IRAK3: variants seen among roughly 807,000 people sequenced by gnomAD.
IRAK3 encodes interleukin-1 receptor-associated kinase 3.
A neutral mutation model predicts 56.6 loss-of-function variants in IRAK3; 57 were observed. The ratio of observed to expected loss-of-function variants is 1.01; its 90% CI spans 0.81 to 1.26. The LOEUF (loss-of-function observed/expected upper bound fraction) is 1.26, where lower values mean the gene tolerates loss of function less well. IRAK3 is among the 50% of genes most tolerant of loss of function. The pLI is 0.00. For missense variants in IRAK3, 703 were observed against 719.0 expected (o/e 0.98, Z 0.25); for synonymous variants, 258 against 255.7 (o/e 1.01, Z -0.09).
intron 8 of IRAK3, among the ~76,000 whole-genome samples, chr12:66,233,389 G>A (rs1194885231): frequency 1.3e-5 from 2 of 152,012 alleles, no homozygotes; most frequent in Admixed American, 1.3e-4. Flanking sequence ...ATAGTGGCGG[G>A]CGCCTGTAGT....
intron 1 of IRAK3, among the ~76,000 whole-genome samples, chr12:66,192,813 T>C (rs1260666335): frequency 4.6e-5 from 7 of 152,140 alleles, no homozygotes; most frequent in Non-Finnish European, 1.0e-4. Flanking sequence ...AACAATTCTA[T>C]CAGGTAGACA....
chr12:66,230,037 T>C (rs1417387953), intron 8 of IRAK3, among the ~76,000 whole-genome samples: 1 of 152,116 alleles, frequency 6.6e-6, no homozygotes. Context: ...GGGTTTTGGC[T>C]CTTGATGGGA....
At chr12:66,227,318 C>T (rs544393363) in intron 7 of IRAK3, among the ~76,000 whole-genome samples, 13 of 152,108 alleles carry the variant, frequency 8.5e-5, no homozygotes, top group African/African-American at 2.7e-4. Context: ...ATTGGCTGGG[C>T]GCAGTGGCTC....
chr12:66,197,272 C>A (rs894738600), intron 1 of IRAK3: 8 of 1,143,544 alleles, frequency 7.0e-6, no homozygotes, highest in Non-Finnish European at 8.6e-6. Context: ...TCATTGAGAA[C>A]TTTTCTCTGT....
chr12:66,203,502 C>T (rs1343324991), intron 1 of IRAK3, among the ~76,000 whole-genome samples: 1 of 152,160 alleles, frequency 6.6e-6, no homozygotes, highest in African/African-American at 2.4e-5. Context: ...GCAGTTATCA[C>T]TGATTCTGAT....
intron 1 of IRAK3, chr12:66,197,187 T>G: frequency 7.9e-7 from 1 of 1,273,204 alleles, no homozygotes; most frequent in Non-Finnish European, 9.9e-7. Context: ...TTTTAAACAA[T>G]GCTTAACTAA....
chr12:66,225,302 T>G (rs755667925), intron 6 of IRAK3, among the ~76,000 whole-genome samples: 13 of 152,078 alleles, frequency 8.5e-5, no homozygotes, highest in Non-Finnish European at 1.8e-4. Context: ...GGAATCATAA[T>G]AGGTGTAGGG....
In IRAK3 at chr12:66,249,246, G is replaced by A. The variant is rs1489397019; in HGVS notation, c.*1075G>A. On this transcript the variant is annotated 3_prime_UTR_variant, in exon 12 of 12. Coordinates refer to ENST00000261233, the MANE Select transcript of IRAK3 (RefSeq NM_007199.3). The stretch of plus-strand genomic sequence containing the variant: ...TGGCACAATCTCGGCTCACCGCAAG[G>A]TCTGCCTCCCGGGTTCACGCCATTC... 6.6e-6 allele frequency: 1 copy of A among 151,954 alleles called. No individual in the cohort carries two copies. Among genetic ancestry groups the A allele is most frequent in the Admixed American group, 6.6e-5 (1 of 15,248 alleles). The allele number at this position is 151,954 out of a possible 1,614,324, so 9.4% of individuals were successfully genotyped here. A position where few individuals can be genotyped will look rare whatever the true frequency, so the allele number is the denominator to read the frequency against.
intron 8 of IRAK3, chr12:66,234,132 G>A: frequency 6.2e-7 from 1 of 1,614,220 alleles, no homozygotes; most frequent in Non-Finnish European, 8.5e-7. Context: ...ACAGCCACCT[G>A]CTGTTGACCA....
At chr12:66,198,817 G>A (rs1303741112) in intron 1 of IRAK3, among the ~76,000 whole-genome samples, 2 of 149,546 alleles carry the variant, frequency 1.3e-5, no homozygotes, top group Non-Finnish European at 3.0e-5. Context: ...CTGCAGTGGT[G>A]CAATCTTGGC....
chr12:66,235,334 C>T (rs1454863942), intron 8 of IRAK3: 2 of 1,075,336 alleles, frequency 1.9e-6, no homozygotes, highest in African/African-American at 1.7e-5. Context: ...AGCCTGGGCG[C>T]GGGGCAGCCT....
At chr12:66,234,934 C>T in intron 8 of IRAK3, 6 of 1,614,166 alleles carry the variant, frequency 3.7e-6, no homozygotes, top group Non-Finnish European at 5.1e-6. Context: ...TCAGGGCAGA[C>T]ACAGCTTTTT....
chr12:66,219,050 A>ATGTG (rs57290167), intron 6 of IRAK3, among the ~76,000 whole-genome samples: 10,571 of 149,444 alleles, frequency 0.071, 975 homozygotes, highest in African/African-American at 0.22. Context: ...GTGTGTGTGT[A>ATGTG]TGTGTGTGTG....
At chr12:66,204,273 C>T (rs1388039412) in intron 2 of IRAK3, among the ~76,000 whole-genome samples, 1 of 152,086 alleles carries the variant, frequency 6.6e-6, no homozygotes, top group Non-Finnish European at 1.5e-5. Flanking sequence ...TCATGCTATT[C>T]TTTGTTTTAC....
intron 11 of IRAK3, among the ~76,000 whole-genome samples, chr12:66,246,720 A>C (rs1033752731): frequency 4.6e-5 from 7 of 152,232 alleles, no homozygotes; most frequent in African/African-American, 1.7e-4. Context: ...TACAGGTTAA[A>C]TGAGATAATA....
At chr12:66,212,766 C>T (rs188475611) in intron 5 of IRAK3, among the ~76,000 whole-genome samples, 5 of 152,108 alleles carry the variant, frequency 3.3e-5, no homozygotes, top group African/African-American at 7.2e-5. Flanking sequence ...CCTTAGCGAA[C>T]GAACACAGGA....
At chr12:66,236,395 CAA>C (rs56074285) in intron 8 of IRAK3, among the ~76,000 whole-genome samples, 54,263 of 110,324 alleles carry the variant, frequency 0.49, 13,480 homozygotes, top group Non-Finnish European at 0.6. Context: ...CTAAAAATAC[CAA>C]AAAAAAAAAA....
At chr12:66,232,335 A>G (rs1039124981) in intron 8 of IRAK3, among the ~76,000 whole-genome samples, 2 of 152,190 alleles carry the variant, frequency 1.3e-5, no homozygotes, top group Admixed American at 1.3e-4. Context: ...AGGGCTCATC[A>G]ATGTGTCCCT....
intron 5 of IRAK3, among the ~76,000 whole-genome samples, chr12:66,216,634 A>C (rs1565804281): frequency 6.6e-6 from 1 of 152,244 alleles, no homozygotes; most frequent in Non-Finnish European, 1.5e-5. Context: ...ACTCATTAAA[A>C]TATTCATGTG....
Sources: allele counts gnomAD v4.1 joint callset (sites outside exome capture counted in the v4.1 genomes callset), GRCh38; gene constraint gnomAD v4.1.1; transcripts MANE v1.5; gene names NCBI Gene and HGNC (gene_info 2026-07-23, HGNC 2026-07-21).